The following PRKCE variants were observed in gnomAD, a reference collection of about 807,000 sequenced individuals.
PRKCE encodes the protein protein kinase C epsilon type.
Under a neutral mutation model 85.4 loss-of-function variants are expected in PRKCE, and 16 were observed. That is an observed-to-expected ratio of 0.19 (90% CI 0.13 to 0.28). PRKCE has a LOEUF of 0.28. Among genes scored for constraint, PRKCE ranks in the 10% least tolerant of loss-of-function variants. PRKCE has a pLI of 1.00. For missense variants in PRKCE, 573 were observed against 975.2 expected (o/e 0.59, Z 5.49); for synonymous variants, 388 against 371.5 (o/e 1.04, Z -0.51).
chr2:46,090,705 A>G (rs1195072016), intron 11 of PRKCE, among the ~76,000 whole-genome samples: 7 of 151,786 alleles, frequency 4.6e-5, no homozygotes, highest in Non-Finnish European at 1.0e-4. Flanking sequence ...ATTTATGAGG[A>G]CCCTGTGGTC....
At chr2:46,172,221 C>T (rs561763978) in intron 14 of PRKCE, among the ~76,000 whole-genome samples, 27 of 152,252 alleles carry the variant, frequency 1.8e-4, no homozygotes, top group Admixed American at 1.2e-3. Context: ...GTCAGAAGCG[C>T]CAGGCCCTCT....
Position 46,041,888 on chromosome 2 carries a change from T to A in PRKCE, c.1437+31371T>A, listed in dbSNP as rs1259041591. ...GCTTGAATACTCTTATTTTCCACAC[T>A]GGAAACTTACCATGAGCAATTCTTT... is the stretch of plus-strand genomic sequence containing the variant. On this transcript the variant is annotated intron_variant, in intron 10 of 14. Transcript: ENST00000306156. This position sits in a 1 kb window ranked among gnomAD's most constrained non-coding sequence, Gnocchi z 5.5. 6.6e-6 allele frequency among the ~76,000 whole-genome samples: 1 copy of A among 152,242 alleles called. No individual in the cohort carries two copies. Among genetic ancestry groups the A allele is most frequent in the African/African-American group, 2.4e-5 (1 of 41,474 alleles).
intron 1 of PRKCE, among the ~76,000 whole-genome samples, chr2:45,695,138 A>G (rs1678039430): frequency 6.6e-6 from 1 of 152,144 alleles, no homozygotes; most frequent in African/African-American, 2.4e-5. Context: ...AACTGTACAG[A>G]AGGAAGGTTA....
At chr2:46,052,695 C>G (rs1432730179) in intron 10 of PRKCE, among the ~76,000 whole-genome samples, 1 of 152,168 alleles carries the variant, frequency 6.6e-6, no homozygotes, top group East Asian at 1.9e-4. Context: ...CTCAGAAGAG[C>G]CAATGCAACC....
intron 11 of PRKCE, among the ~76,000 whole-genome samples, chr2:46,127,639 C>G (rs1673991382): frequency 2.0e-5 from 3 of 152,224 alleles, no homozygotes; most frequent in Non-Finnish European, 2.9e-5. Flanking sequence ...TGAGATAGTT[C>G]TGAGTTGGTA....
At chr2:45,837,089 G>C (rs1690944424) in intron 1 of PRKCE, among the ~76,000 whole-genome samples, 1 of 152,202 alleles carries the variant, frequency 6.6e-6, no homozygotes, top group Non-Finnish European at 1.5e-5. Context: ...TAGGTGTACA[G>C]ATAACCTGTG....
At chr2:46,021,922 C>T (rs1262329652) in intron 10 of PRKCE, among the ~76,000 whole-genome samples, 1 of 152,124 alleles carries the variant, frequency 6.6e-6, no homozygotes, top group African/African-American at 2.4e-5. Context: ...TGGGGCCTTT[C>T]ATAGGGAGCT....
chr2:45,946,876 C>T (rs1425207193), intron 2 of PRKCE, among the ~76,000 whole-genome samples: 4 of 152,212 alleles, frequency 2.6e-5, no homozygotes, highest in African/African-American at 9.7e-5. Flanking sequence ...ATTAACTGTG[C>T]ATATGTAAAG....
intron 1 of PRKCE, among the ~76,000 whole-genome samples, chr2:45,829,295 A>G (rs1275698463): frequency 6.6e-6 from 1 of 152,178 alleles, no homozygotes; most frequent in Non-Finnish European, 1.5e-5. Flanking sequence ...GCAGCGTATA[A>G]TAGTGTTTGT....
rs563185632 is a variant in PRKCE at position 46,140,283 on chromosome 2, T to C, written c.1593-4810T>C. Among the ~76,000 whole-genome samples the C allele has an allele frequency of 1.9e-4, 29 of 152,302 alleles. No homozygotes were observed. In the South Asian group the frequency reaches 5.8e-3, roughly 30 times the overall value. On this transcript the variant is annotated intron_variant, in intron 11 of 14. Coordinates refer to ENST00000306156, the MANE Select transcript of PRKCE (RefSeq NM_005400.3). ...TAATATGTAGACTGGTACTACCAAG[T>C]GTTAAAAGGCATTATAAACCTGCAA...
chr2:45,721,044 T>TTGCCTC (rs1389741995), intron 1 of PRKCE, among the ~76,000 whole-genome samples: 5 of 151,950 alleles, frequency 3.3e-5, no homozygotes, highest in Non-Finnish European at 5.9e-5. Context: ...GAGGCAGAGG[T>TTGCCTC]TGCAGTGAGC....
chr2:45,919,108 G>C (rs745604552), intron 2 of PRKCE, among the ~76,000 whole-genome samples: 1 of 152,192 alleles, frequency 6.6e-6, no homozygotes, highest in Non-Finnish European at 1.5e-5. Flanking sequence ...GAAACAGCTG[G>C]TTCCACTTGA....
At chr2:46,019,327 G>A (rs1706440470) in intron 10 of PRKCE, among the ~76,000 whole-genome samples, 1 of 152,060 alleles carries the variant, frequency 6.6e-6, no homozygotes, top group African/African-American at 2.4e-5. Flanking sequence ...TGTCTAAATG[G>A]TCCCCATCTG....
intron 11 of PRKCE, among the ~76,000 whole-genome samples, chr2:46,088,494 A>C (rs535940787): frequency 2.6e-5 from 4 of 152,292 alleles, no homozygotes; most frequent in African/African-American, 7.2e-5. Context: ...TTAGACATCT[A>C]TATGGATCCT....
At chr2:46,141,962 T>G (rs1468623710) in intron 11 of PRKCE, among the ~76,000 whole-genome samples, 1 of 152,136 alleles carries the variant, frequency 6.6e-6, no homozygotes, top group Non-Finnish European at 1.5e-5. Context: ...AAACCATTAT[T>G]CCCAGTCCTC....
chr2:45,666,280 A>T (rs1008106634), intron 1 of PRKCE, among the ~76,000 whole-genome samples: 1 of 152,116 alleles, frequency 6.6e-6, no homozygotes, highest in Admixed American at 6.5e-5. Flanking sequence ...CCTGGAATCC[A>T]GGGGATTTGT....
At chr2:46,117,710 G>A (rs1672915301) in intron 11 of PRKCE, among the ~76,000 whole-genome samples, 1 of 152,216 alleles carries the variant, frequency 6.6e-6, no homozygotes, top group African/African-American at 2.4e-5. Context: ...CGGGATTACT[G>A]TGAATATTAA....
At chr2:45,772,543 C>T (rs1299415813) in intron 1 of PRKCE, among the ~76,000 whole-genome samples, 1 of 152,144 alleles carries the variant, frequency 6.6e-6, no homozygotes, top group East Asian at 1.9e-4. Flanking sequence ...TTGACCATCT[C>T]CTGGGTACTC....
chr2:45,881,699 C>T (rs923756593), intron 2 of PRKCE, among the ~76,000 whole-genome samples: 3 of 152,198 alleles, frequency 2.0e-5, no homozygotes, highest in African/African-American at 4.8e-5. Context: ...TAAGACCCAG[C>T]ACGATGGAAT....
Sources: allele counts gnomAD v4.1 joint callset (sites outside exome capture counted in the v4.1 genomes callset), GRCh38; gene constraint gnomAD v4.1.1; non-coding constraint Gnocchi (gnomAD v3.1); transcripts MANE v1.5; gene names NCBI Gene and HGNC (gene_info 2026-07-23, HGNC 2026-07-21).